TENM1: variants seen among roughly 807,000 people sequenced by gnomAD.
The protein encoded by TENM1 is teneurin-1.
A neutral mutation model predicts 174.8 loss-of-function variants in TENM1; 35 were observed. The observed-to-expected ratio is 0.20, with a 90% CI of 0.15 to 0.27. The LOEUF is 0.27. Ranked by LOEUF, TENM1 falls within the 10% of genes least tolerant of loss-of-function variation. The pLI, the probability that TENM1 is intolerant of heterozygous loss-of-function variation, is 1.00. For missense variants in TENM1, 1,633 were observed against 2,130.1 expected (o/e 0.77, Z 4.59); for synonymous variants, 781 against 798.7 (o/e 0.98, Z 0.37).
intron 19 of TENM1, 83 bp from the exon 23 acceptor site, chrX:124,497,348 A>C: frequency 9.9e-7 from 1 of 1,011,799 alleles, no homozygotes; most frequent in South Asian, 2.4e-5. Context: ...TTTATTCTTC[A>C]TCATCCCAAG....
the TENM1 span, among the ~76,000 whole-genome samples, chrX:125,150,698 A>T: frequency 2.7e-5 from 3 of 112,717 alleles, no homozygotes; most frequent in Non-Finnish European, 5.6e-5. Context: ...AAATTATTTT[A>T]AAAAAGAAAG....
At chrX:124,965,335 T>C (rs1479970135), upstream of TENM1, among the ~76,000 whole-genome samples, 3 of 111,811 alleles carry the variant, frequency 2.7e-5, no homozygotes, top group Non-Finnish European at 5.6e-5. Flanking sequence ...CGCCTCGGCC[T>C]CCCAAAGTGC....
chrX:124,787,205 A>G (rs866239363), intron 3 of TENM1, among the ~76,000 whole-genome samples: 1 of 112,029 alleles, frequency 8.9e-6, no homozygotes. Context: ...ATTTGAGGTC[A>G]TCAGCTATAG....
At chrX:125,159,420 G>A in the TENM1 span, among the ~76,000 whole-genome samples, 1 of 111,712 alleles carries the variant, frequency 9.0e-6, no homozygotes, top group East Asian at 2.8e-4. Context: ...ACAAATATAT[G>A]GTCCTCTAAG....
chrX:124,598,366 T>A (rs1488813221), intron 11 of TENM1, among the ~76,000 whole-genome samples: 1 of 111,478 alleles, frequency 9.0e-6, no homozygotes, highest in African/African-American at 3.3e-5. Context: ...TACCATATGA[T>A]CCAGGAATCC....
intron 10 of TENM1, among the ~76,000 whole-genome samples, chrX:124,644,111 GAT>G (rs2051090633): frequency 2.1e-5 from 2 of 93,560 alleles, no homozygotes; most frequent in African/African-American, 8.0e-5. Context: ...GTATATGGCA[GAT>G]ATATACATAT....
intron 3 of TENM1, among the ~76,000 whole-genome samples, chrX:124,881,717 T>C (rs758776688): frequency 3.7e-5 from 4 of 109,342 alleles, no homozygotes; most frequent in African/African-American, 1.0e-4. Context: ...GTTGTTGTTG[T>C]TGTTGTTGTT....
the TENM1 span, among the ~76,000 whole-genome samples, chrX:124,974,515 T>C: frequency 9.0e-6 from 1 of 111,716 alleles, no homozygotes; most frequent in Non-Finnish European, 1.9e-5. Flanking sequence ...GCAGGCTCTT[T>C]AGGACACTTT....
the TENM1 span, among the ~76,000 whole-genome samples, chrX:125,154,157 T>C: frequency 8.9e-6 from 1 of 112,052 alleles, no homozygotes; most frequent in Admixed American, 9.4e-5. Flanking sequence ...AGATTTACTA[T>C]AGGACAAAGT....
intron 3 of TENM1, among the ~76,000 whole-genome samples, chrX:124,881,735 G>A (rs747090844): frequency 1.2e-3 from 112 of 96,736 alleles, no homozygotes; most frequent in Non-Finnish European, 1.7e-3. Flanking sequence ...GTTTTGTTTT[G>A]TTTTTTTTTT....
intron 15 of TENM1, among the ~76,000 whole-genome samples, chrX:124,537,602 C>T (rs2048231992): frequency 8.9e-6 from 1 of 111,881 alleles, no homozygotes; most frequent in Admixed American, 9.5e-5. Context: ...GTGCTATCTA[C>T]AGAATTATGG....
At chrX:124,889,680 G>A (rs1178706035) in intron 3 of TENM1, among the ~76,000 whole-genome samples, 2 of 110,878 alleles carry the variant, frequency 1.8e-5, no homozygotes, top group Non-Finnish European at 3.8e-5. Flanking sequence ...TACATGAGAT[G>A]TTTTGATATA....
At chrX:124,537,854 T>C (rs760663637) in intron 15 of TENM1, among the ~76,000 whole-genome samples, 4 of 112,175 alleles carry the variant, frequency 3.6e-5, no homozygotes, top group Non-Finnish European at 7.5e-5. Flanking sequence ...GCAAGTAGGA[T>C]AGATAAAATA....
chrX:125,064,566 C>A, the TENM1 span, among the ~76,000 whole-genome samples: 1 of 107,499 alleles, frequency 9.3e-6, no homozygotes, highest in African/African-American at 3.4e-5. Flanking sequence ...CCCGCAGTGG[C>A]AGACTATCCA....
intron 3 of TENM1, among the ~76,000 whole-genome samples, chrX:124,847,238 C>G (rs1358819925): frequency 1.8e-5 from 2 of 111,307 alleles, no homozygotes; most frequent in Non-Finnish European, 3.8e-5. Context: ...GCTTTGGAGT[C>G]TAGTACAAAA....
chrX:125,009,147 T>A, the TENM1 span, among the ~76,000 whole-genome samples: 1 of 89,303 alleles, frequency 1.1e-5, no homozygotes, highest in African/African-American at 4.3e-5. Flanking sequence ...GCTAGACTAA[T>A]AAATAAGGAA....
chrX:124,600,772 A>G (rs931014016), intron 11 of TENM1, among the ~76,000 whole-genome samples: 80 of 111,938 alleles, frequency 7.1e-4, no homozygotes, highest in African/African-American at 2.3e-3. Flanking sequence ...AGTATCAGTC[A>G]TGACAGTTAA....
intron 3 of TENM1, 44 bp downstream of exon 6, chrX:124,894,252 G>T: frequency 1.8e-6 from 2 of 1,089,799 alleles, no homozygotes; most frequent in Non-Finnish European, 2.5e-6. Flanking sequence ...CAGGGATGGG[G>T]TGAAGTAAAA....
chrX:125,137,364 A>G, the TENM1 span, among the ~76,000 whole-genome samples: 1 of 110,793 alleles, frequency 9.0e-6, no homozygotes, highest in African/African-American at 3.3e-5. Flanking sequence ...AAGCAATAAA[A>G]ACATTTTAAA....
Sources: allele counts gnomAD v4.1 joint callset (sites outside exome capture counted in the v4.1 genomes callset), GRCh38; gene constraint gnomAD v4.1.1; transcripts MANE v1.5; gene names NCBI Gene and HGNC (gene_info 2026-07-23, HGNC 2026-07-21).